The following SCHIP1 variants were observed in gnomAD, a reference collection of about 807,000 sequenced individuals.
SCHIP1 encodes schwannomin-interacting protein 1.
In SCHIP1, 8 loss-of-function variants were observed where a neutral mutation model predicts 29.7. That is an observed-to-expected ratio of 0.27 (90% confidence interval 0.16 to 0.49). SCHIP1 has a LOEUF of 0.49. Among genes scored for constraint, SCHIP1 ranks in the 20% least tolerant of loss-of-function variants. The pLI is 0.99. For synonymous variants in SCHIP1, 76 were observed against 94.9 expected (o/e 0.80, Z 1.16); for missense variants, 193 against 294.6 (o/e 0.66, Z 2.52).
the SCHIP1 span, among the ~76,000 whole-genome samples, chr3:159,667,502 G>A: frequency 3.3e-5 from 5 of 152,174 alleles, no homozygotes; most frequent in African/African-American, 4.8e-5. Context: ...TGGCCAGGCC[G>A]GAGACTCAGG....
chr3:159,377,072 C>G, the SCHIP1 span, among the ~76,000 whole-genome samples: 83 of 152,254 alleles, frequency 5.5e-4, no homozygotes, highest in Non-Finnish European at 8.1e-4. Flanking sequence ...TTTCTCAGTT[C>G]TTTGGTTTTT....
chr3:159,492,449 C>A, the SCHIP1 span, among the ~76,000 whole-genome samples: 1 of 152,046 alleles, frequency 6.6e-6, no homozygotes, highest in Non-Finnish European at 1.5e-5. Context: ...AACTACGTGA[C>A]GAATGCACAA....
intron 2 of SCHIP1, among the ~76,000 whole-genome samples, chr3:159,881,770 G>C (rs1716460999): frequency 6.6e-6 from 1 of 152,214 alleles, no homozygotes; most frequent in African/African-American, 2.4e-5. Context: ...CACGTCAGTA[G>C]CATACGATGA....
At chr3:159,587,393 AAAAG>A in the SCHIP1 span, among the ~76,000 whole-genome samples, 2 of 152,322 alleles carry the variant, frequency 1.3e-5, no homozygotes, top group African/African-American at 4.8e-5. Context: ...TTAAAAAAAA[AAAAG>A]ACTTATTACC....
intron 1 of SCHIP1, among the ~76,000 whole-genome samples, chr3:159,859,967 G>A (rs1392126193): frequency 1.5e-5 from 2 of 135,580 alleles, no homozygotes; most frequent in Non-Finnish European, 1.6e-5. Flanking sequence ...TTAAAGAAAT[G>A]TGTGACAGGG....
At chr3:159,661,678 A>G in the SCHIP1 span, among the ~76,000 whole-genome samples, 1 of 152,172 alleles carries the variant, frequency 6.6e-6, no homozygotes, top group Non-Finnish European at 1.5e-5. Flanking sequence ...AAGGTTTCAC[A>G]TCTAGTGTTT....
the SCHIP1 span, among the ~76,000 whole-genome samples, chr3:159,427,138 C>T: frequency 1.3e-5 from 2 of 152,074 alleles, no homozygotes; most frequent in Admixed American, 1.3e-4. Flanking sequence ...TGAAAACTGG[C>T]ACAAGACAGG....
At chr3:159,543,080 CAT>C in the SCHIP1 span, among the ~76,000 whole-genome samples, 1,147 of 147,138 alleles carry the variant, frequency 7.8e-3, 12 homozygotes, top group African/African-American at 0.02. Context: ...TATATATACA[CAT>C]GTTTGTGTAT....
At chr3:159,435,445 G>A in the SCHIP1 span, among the ~76,000 whole-genome samples, 51 of 152,152 alleles carry the variant, frequency 3.4e-4, no homozygotes, top group African/African-American at 1.1e-3. Flanking sequence ...CCCTCATATG[G>A]AATCCTGGAA....
the SCHIP1 span, among the ~76,000 whole-genome samples, chr3:159,503,669 T>A: frequency 3.9e-5 from 6 of 152,230 alleles, no homozygotes; most frequent in African/African-American, 1.4e-4. Context: ...GTAAAAAGGA[T>A]AACTGAGAAT....
At chr3:159,833,786 C>G in the SCHIP1 span, among the ~76,000 whole-genome samples, 1 of 152,214 alleles carries the variant, frequency 6.6e-6, no homozygotes, top group African/African-American at 2.4e-5. Context: ...AACCTCCTTA[C>G]TCTACCCCAA....
chr3:159,359,688 G>A, the SCHIP1 span, among the ~76,000 whole-genome samples: 1 of 152,208 alleles, frequency 6.6e-6, no homozygotes, highest in African/African-American at 2.4e-5. Flanking sequence ...AGTGGGGATA[G>A]TAAAAGAAGG....
chr3:159,274,419 A>T, the SCHIP1 span: 1 of 920,418 alleles, frequency 1.1e-6, no homozygotes, highest in African/African-American at 1.8e-5. Flanking sequence ...TATGAAATGT[A>T]TAGAGTGGCA....
chr3:159,346,950 A>G, the SCHIP1 span, among the ~76,000 whole-genome samples: 1 of 152,202 alleles, frequency 6.6e-6, no homozygotes, highest in South Asian at 2.1e-4. Flanking sequence ...ACTGCCAGAC[A>G]AGGATCCACT....
the SCHIP1 span, among the ~76,000 whole-genome samples, chr3:159,497,427 C>T: frequency 0.27 from 41,438 of 151,592 alleles, 5,924 homozygotes; most frequent in East Asian, 0.4. Context: ...GTCTATGCCA[C>T]GCCTGCTGCT....
the SCHIP1 span, among the ~76,000 whole-genome samples, chr3:159,802,278 G>A: frequency 1.3e-5 from 2 of 152,198 alleles, no homozygotes; most frequent in Non-Finnish European, 2.9e-5. Flanking sequence ...CACATTGCAA[G>A]TAAATGGCAA....
At chr3:159,838,753 G>T (rs897836553), upstream of SCHIP1, among the ~76,000 whole-genome samples, 4 of 151,890 alleles carry the variant, frequency 2.6e-5, no homozygotes, top group Admixed American at 2.6e-4. Flanking sequence ...AATTAGCCGG[G>T]CATGGTGGTG....
chr3:159,404,380 T>C, the SCHIP1 span, among the ~76,000 whole-genome samples: 2 of 152,142 alleles, frequency 1.3e-5, no homozygotes, highest in African/African-American at 4.8e-5. Flanking sequence ...TTTCTGTTCC[T>C]GCCTTAGGTC....
chr3:159,762,705 G>A, the SCHIP1 span, among the ~76,000 whole-genome samples: 3 of 152,152 alleles, frequency 2.0e-5, no homozygotes, highest in Non-Finnish European at 4.4e-5. Context: ...CTTAGTAGGC[G>A]CTCTGTGATG....
Sources: gnomAD v4.1 joint callset for allele counts (sites outside exome capture counted in the v4.1 genomes callset) on GRCh38, gnomAD v4.1.1 for gene constraint, MANE v1.5 for transcripts, NCBI Gene and HGNC (gene_info 2026-07-23, HGNC 2026-07-21) for gene names.